ADAMTSL1: variants seen among roughly 807,000 people sequenced by gnomAD.
ADAMTSL1 encodes the protein ADAMTS like 1.
A neutral mutation model predicts 201.8 loss-of-function variants in ADAMTSL1; 126 were observed. That is an observed-to-expected ratio of 0.62 (90% CI 0.54 to 0.72). The LOEUF (loss-of-function observed/expected upper bound fraction) is 0.72, where lower values mean the gene tolerates loss of function less well. Among genes scored for constraint, ADAMTSL1 ranks in the 30% least tolerant of loss-of-function variants. ADAMTSL1 has a pLI of 0.00. For missense variants in ADAMTSL1, 2,679 were observed against 2,277.8 expected (o/e 1.18, Z -3.59); for synonymous variants, 1,121 against 903.4 (o/e 1.24, Z -4.32).
intron 1 of ADAMTSL1, among the ~76,000 whole-genome samples, chr9:18,476,398 T>C (rs1457524023): frequency 6.6e-6 from 1 of 152,122 alleles, no homozygotes; most frequent in Non-Finnish European, 1.5e-5. Context: ...TTAAGAACAA[T>C]GAAAACAGTG....
At chr9:18,407,915 G>T (rs971043826) in intron 2 of ADAMTSL1, among the ~76,000 whole-genome samples, 4 of 152,154 alleles carry the variant, frequency 2.6e-5, no homozygotes, top group African/African-American at 9.7e-5. Flanking sequence ...GATGTAACTA[G>T]GGAAGACTGC....
At chr9:17,947,889 C>T (rs1827574301) in intron 1 of ADAMTSL1, among the ~76,000 whole-genome samples, 1 of 152,120 alleles carries the variant, frequency 6.6e-6, no homozygotes, top group African/African-American at 2.4e-5. Context: ...GATAAACACA[C>T]CTTCTGCAGC....
intron 2 of ADAMTSL1, among the ~76,000 whole-genome samples, chr9:18,522,752 C>A (rs1289524368): frequency 2.0e-5 from 3 of 151,936 alleles, no homozygotes; most frequent in Admixed American, 1.3e-4. Context: ...TCATCCATGT[C>A]CCTACATAGG....
intron 2 of ADAMTSL1, among the ~76,000 whole-genome samples, chr9:18,264,747 T>C (rs1417114084): frequency 6.6e-6 from 1 of 152,190 alleles, no homozygotes; most frequent in Admixed American, 6.5e-5. Flanking sequence ...GCCATAGATA[T>C]GATGGAAGTA....
At chr9:18,176,025 A>T (rs1828136703) in intron 2 of ADAMTSL1, among the ~76,000 whole-genome samples, 1 of 151,452 alleles carries the variant, frequency 6.6e-6, no homozygotes, top group African/African-American at 2.4e-5. Flanking sequence ...AAAAAAAAAA[A>T]AAAAAAAAGG....
chr9:17,952,907 TTCCTCCTTTCCCTCCTCC>T (rs1827783665), intron 1 of ADAMTSL1, among the ~76,000 whole-genome samples: 1 of 143,338 alleles, frequency 7.0e-6, no homozygotes, highest in Non-Finnish European at 1.5e-5. Context: ...TTTCTCTCTC[TTCCTCCTTTCCCTCCTCC>T]TCCTCCTCCT....
chr9:18,321,397 C>A (rs547381557), intron 2 of ADAMTSL1, among the ~76,000 whole-genome samples: 1 of 152,266 alleles, frequency 6.6e-6, no homozygotes, highest in East Asian at 1.9e-4. Context: ...TTTGACAGCA[C>A]AACTAGAGAA....
rs138044415 is a variant in ADAMTSL1 at position 18,025,136 on chromosome 9, G to A, written c.87+118214G>A. Among the ~76,000 whole-genome samples, 995 of 151,952 alleles carry A rather than the reference G, an allele frequency of 6.5e-3. 15 individuals are homozygous for A. The highest frequency in any genetic ancestry group is 0.023 in the African/African-American group (951 of 41,470). On this transcript the variant is annotated intron_variant, in intron 1 of 29. Transcript: ENST00000680146. ...TTTTTTTGCTTGCTGAATTGTTTAT[G>A]TTCCTTATGGATCCTGGCTATTAGA...
chr9:18,270,735 G>A (rs1047432594), intron 2 of ADAMTSL1, among the ~76,000 whole-genome samples: 1 of 152,170 alleles, frequency 6.6e-6, no homozygotes, highest in Non-Finnish European at 1.5e-5. Flanking sequence ...CCTTCCACAA[G>A]AGTTGTCATG....
intron 2 of ADAMTSL1, among the ~76,000 whole-genome samples, chr9:18,287,346 T>C (rs1833030703): frequency 6.6e-6 from 1 of 151,682 alleles, no homozygotes; most frequent in Non-Finnish European, 1.5e-5. Flanking sequence ...TGTGTGTATA[T>C]ATACACATAC....
chr9:18,456,016 A>G (rs2131689173), intron 2 of ADAMTSL1, among the ~76,000 whole-genome samples: 1 of 152,312 alleles, frequency 6.6e-6, no homozygotes, highest in Admixed American at 6.5e-5. Flanking sequence ...AGTCATAAAG[A>G]ACAGTTAGTC....
chr9:18,705,621 C>T (rs994729179), intron 13 of ADAMTSL1, among the ~76,000 whole-genome samples: 7 of 152,142 alleles, frequency 4.6e-5, no homozygotes, highest in Non-Finnish European at 7.3e-5. Context: ...ATGTGTAGCA[C>T]GGCTTTTCTC....
intron 2 of ADAMTSL1, among the ~76,000 whole-genome samples, chr9:18,410,266 G>A (rs1213316612): frequency 6.6e-6 from 1 of 151,634 alleles, no homozygotes; most frequent in Non-Finnish European, 1.5e-5. Context: ...TGTTACATAG[G>A]TAAACGTGTG....
At chr9:18,008,938 T>A (rs1428202991) in intron 1 of ADAMTSL1, among the ~76,000 whole-genome samples, 1 of 152,006 alleles carries the variant, frequency 6.6e-6, no homozygotes, top group African/African-American at 2.4e-5. Flanking sequence ...TGTCTAGATT[T>A]GCTGGAACAG....
intron 15 of ADAMTSL1, among the ~76,000 whole-genome samples, chr9:18,731,343 A>C (rs1271479858): frequency 1.3e-5 from 2 of 152,188 alleles, no homozygotes; most frequent in Middle Eastern, 3.2e-3. Flanking sequence ...TTATAAAGAG[A>C]AGAGGCACTG....
At chr9:18,261,587 T>C (rs916061026) in intron 2 of ADAMTSL1, among the ~76,000 whole-genome samples, 1 of 152,184 alleles carries the variant, frequency 6.6e-6, no homozygotes, top group African/African-American at 2.4e-5. Flanking sequence ...CTGGGGAGAC[T>C]TTAGAGGAAA....
intron 3 of ADAMTSL1, among the ~76,000 whole-genome samples, chr9:18,566,621 CA>C (rs1461481471): frequency 6.6e-6 from 1 of 152,086 alleles, no homozygotes; most frequent in African/African-American, 2.4e-5. Context: ...GAATTCCAGG[CA>C]GAAGGGATGG....
chr9:18,099,105 T>G (rs1400242212), intron 1 of ADAMTSL1, among the ~76,000 whole-genome samples: 1 of 150,994 alleles, frequency 6.6e-6, no homozygotes, highest in Non-Finnish European at 1.5e-5. Flanking sequence ...ACAGCAGGTT[T>G]TTTTTTTTTA....
intron 2 of ADAMTSL1, among the ~76,000 whole-genome samples, chr9:18,299,052 T>A (rs893562316): frequency 1.4e-4 from 21 of 152,022 alleles, no homozygotes; most frequent in African/African-American, 4.8e-4. Flanking sequence ...TAGCCGCCGT[T>A]TTTGCTAAGC....
Sources: gnomAD v4.1 joint callset for allele counts (sites outside exome capture counted in the v4.1 genomes callset) on GRCh38, gnomAD v4.1.1 for gene constraint, MANE v1.5 for transcripts, NCBI Gene and HGNC (gene_info 2026-07-23, HGNC 2026-07-21) for gene names.